Variants in TEDC2 observed in about 807,000 individuals in gnomAD.
The protein encoded by TEDC2 is tubulin epsilon and delta complex protein 2.
Under a neutral mutation model 48.1 loss-of-function variants are expected in TEDC2, and 49 were observed. The observed-to-expected ratio is 1.02, with a 90% CI of 0.81 to 1.29. The LOEUF (loss-of-function observed/expected upper bound fraction) is 1.29, where lower values mean the gene tolerates loss of function less well. Ranked by LOEUF, TEDC2 falls within the 50% of genes most tolerant of loss-of-function variation. The pLI is 0.00. For missense variants in TEDC2, 631 were observed against 571.4 expected (o/e 1.10, Z -1.06); for synonymous variants, 299 against 247.1 (o/e 1.21, Z -1.97).
Position 2,460,159 on chromosome 16 carries a change from C to T in TEDC2, c.15C>T (p.Gly5=). ...CCGCCGCCTTCATGCTGCCGGCGGG[C>T]TGCTCGCGCCGGTGAGGCCTGCGCG... MLPA[G]CSRRLVAELQ... is the part of the protein sequence containing the mutation. Residue 5 remains glycine (G), a synonymous_variant, in exon 1 of 10, where the codon GGC becomes GGT. Transcript: ENST00000361837. The T allele has an allele frequency of 7.4e-7, 1 of 1,342,938 alleles. No homozygotes were observed. The allele number at this position is 1,342,938 out of a possible 1,614,324, so 83.2% of individuals were successfully genotyped here. A position where few individuals can be genotyped will look rare whatever the true frequency, so the allele number is the denominator to read the frequency against.
Position 2,460,628 on chromosome 16 carries a change from C to G in TEDC2, c.131C>G (p.Pro44Arg). The G allele has an allele frequency of 6.2e-7, 1 of 1,612,960 alleles. No individual in the cohort carries two copies. ...GGCTGCCCGTGTCTTTGCAGGGAAC[C>G]AACTGGGACCCGGGCTTTGAAGCCA... is the stretch of plus-strand genomic sequence containing the variant. ...VCRRLLHAWE[P>R]TGTRALKPPP... is the part of the protein sequence containing the mutation. The change falls in exon 3 of 10, where the codon CCA becomes CGA. Residue 44 changes from proline to arginine, a missense_variant. By Grantham distance (103) the Pro-to-Arg change is moderately radical (BLOSUM62 -2). Transcript: ENST00000361837.
rs776899205 is a variant in TEDC2 at position 2,464,229 on chromosome 16, G to C, written c.1155G>C (p.Lys385Asn). Residue 385 changes from lysine (K) to asparagine (N), a missense_variant and splice_region_variant, in exon 9 of 10, where the codon AAG becomes AAC. Physicochemically the swap from Lys to Asn is moderately conservative, Grantham distance 94. Transcript: ENST00000361837. The part of the protein sequence containing the change: ...AVLDQQIHLE[K>N]VLMAELLPLV... ...TGGACCAGCAGATCCACTTGGAAAA[G>C]GTGCTTCTGGAAGAGGAGGTGGGGG... 6.2e-7 allele frequency: 1 copy of C among 1,611,116 alleles called. No individual in the cohort carries two copies. Among genetic ancestry groups the C allele is most frequent in the Non-Finnish European group, 8.5e-7 (1 of 1,179,200 alleles).
At chr16:2,461,931 T>A in intron 5 of TEDC2, 131 bp downstream of exon 5, 1 of 1,290,486 alleles carries the variant, frequency 7.7e-7, no homozygotes, top group Non-Finnish European at 1.1e-6. Context: ...CTGTCGATGT[T>A]AAAAATCTGC....
Position 2,464,618 on chromosome 16 carries a change from G to C in TEDC2, c.1252G>C (p.Glu418Gln). ...CCGGGCTGTGCACAGCCTGCTCTGC[G>C]AGGGAGGAGCACGTGTCCTTACCAT... is the stretch of plus-strand genomic sequence containing the variant. Reference protein sequence around the residue: ...LCRAVHSLLCEGGARVLTILR... With the variant: ...LCRAVHSLLCQGGARVLTILR... The change falls in exon 10 of 10, where the codon GAG (glutamate) becomes CAG (glutamine). Residue 418 changes from glutamate to glutamine, a missense_variant. Glu to Gln is a conservative substitution (Grantham distance 29, BLOSUM62 2). Transcript: ENST00000361837. The C allele has an allele frequency of 2.5e-6, 4 of 1,612,570 alleles. No individual in the cohort carries two copies. Among genetic ancestry groups the C allele is most frequent in the South Asian group, 1.1e-5 (1 of 91,088 alleles).
intron 8 of TEDC2, 90 bp from the exon 9 acceptor site, chr16:2,463,949 G>A: frequency 7.3e-7 from 1 of 1,365,288 alleles, no homozygotes; most frequent in Non-Finnish European, 1.0e-6. Flanking sequence ...CAGGGCAGGT[G>A]GTGCAGATGC....
At position 2,460,128 on chromosome 16, in the gene TEDC2, G is replaced by A; in HGVS notation, c.-17G>A. On this transcript the variant is annotated 5_prime_UTR_variant, in exon 1 of 10. Transcript: ENST00000361837. ...CTCTTCAGAGGCGGCAAATTGCAAGGAGACGCCGCCGCCTTCATGCTGCCG... is the reference window on the plus strand; with the variant it reads ...CTCTTCAGAGGCGGCAAATTGCAAGAAGACGCCGCCGCCTTCATGCTGCCG... 1 of 1,348,198 alleles carries A rather than the reference G, an allele frequency of 7.4e-7. No homozygotes were observed. The highest frequency in any genetic ancestry group is 3.1e-5 in the East Asian group (1 of 32,392). 83.5% of individuals were successfully genotyped at this position (1,348,198 alleles called of 1,614,324 possible). A position where few individuals can be genotyped will look rare whatever the true frequency, so the allele number is the denominator to read the frequency against.
rs148083585 is a variant in TEDC2 at position 2,460,958 on chromosome 16, C to T, written c.339C>T (p.Thr113=). The T allele has an allele frequency of 4.3e-5, 69 of 1,613,452 alleles. No individual in the cohort carries two copies. In the African/African-American group the frequency reaches 7.6e-4, roughly 18 times the overall value. The change falls in exon 4 of 10, where the codon ACC becomes ACT. Residue 113 remains threonine (T), a synonymous_variant. Coordinates refer to ENST00000361837, the MANE Select transcript of TEDC2 (RefSeq NM_025108.3). The part of the protein sequence containing the change: ...APSLKSRSIV[T]SSGTTASAPP... ...GCCTGAAATCTAGGTCCATTGTCAC[C>T]TCTTCTGGCACGACAGCCTCCGCCC...
chr16:2,464,382 G>A (rs1262398327), intron 9 of TEDC2, 140 bp from the exon 10 acceptor site: 10 of 1,326,464 alleles, frequency 7.5e-6, no homozygotes, highest in East Asian at 5.0e-5. Flanking sequence ...TGGGTCAGAC[G>A]GGGCTGGGAC....
chr16:2,462,598 G>A (rs760304198), intron 7 of TEDC2, 33 bp from the exon 8 acceptor site: 342 of 1,538,282 alleles, frequency 2.2e-4, no homozygotes, highest in Non-Finnish European at 2.9e-4. Context: ...AGACTGCCAC[G>A]GGCCCCACCT....
rs1289557186 is a variant in TEDC2, at chr16:2,460,823, A to G, written c.204A>G (p.Thr68=). The G allele has an allele frequency of 6.2e-7, 1 of 1,612,194 alleles. No individual in the cohort carries two copies. The highest frequency in any genetic ancestry group is 2.2e-5 in the East Asian group (1 of 44,874). ...TNGEDPLPAC[T]PSPQDLKELE... The stretch of plus-strand genomic sequence containing the variant: ...AATTCTTGGCTTTCACAGCATGCAC[A>G]CCCAGTCCACAAGACCTCAAAGAGT... The change falls in exon 4 of 10, where the codon ACA becomes ACG. Residue 68 remains threonine (T), a synonymous_variant. Coordinates refer to ENST00000361837, the MANE Select transcript of TEDC2 (RefSeq NM_025108.3).
At position 2,464,512 on chromosome 16, in the gene TEDC2, C is replaced by A; in HGVS notation, c.1156-10C>A. ...CCTGAGACCTTGGCCCTGCCCTGCC[C>A]TGCCCCCAGGTCCTGATGGCTGAAC... On this transcript the variant is annotated splice_polypyrimidine_tract_variant and intron_variant, in intron 9 of 9. Coordinates refer to ENST00000361837, the MANE Select transcript of TEDC2 (RefSeq NM_025108.3). 1 of 1,555,768 alleles carries A rather than the reference C, an allele frequency of 6.4e-7. No homozygotes were observed.
At position 2,462,278 on chromosome 16, in the gene TEDC2, A is replaced by G. The variant is rs9926725; in HGVS notation, c.750+39A>G. On this transcript the variant is annotated intron_variant, in intron 6 of 9. Transcript: ENST00000361837. The stretch of plus-strand genomic sequence containing the variant: ...GCTTGTGGGAGCCCTGGGGGCCTCT[A>G]GCTCTGAACCTGGCAGGTTTGCAGA... 22,609 of 1,609,606 alleles carry G rather than the reference A, an allele frequency of 0.014. 2,506 individuals are homozygous for G. The African/African-American group carries it at 0.25, about 18-fold the overall frequency.
intron 9 of TEDC2, 63 bp from the exon 10 acceptor site, chr16:2,464,459 T>G (rs2065487534): frequency 6.8e-7 from 1 of 1,480,458 alleles, no homozygotes; most frequent in Admixed American, 2.1e-5. Flanking sequence ...TCGAAGCCTG[T>G]CCCAGGATTG....
chr16:2,462,978 C>T (rs897053438), intron 8 of TEDC2, among the ~76,000 whole-genome samples: 1 of 152,232 alleles, frequency 6.6e-6, no homozygotes, highest in African/African-American at 2.4e-5. Context: ...TCCCCGCACA[C>T]AGAACCTCAT....
In TEDC2 at chr16:2,464,623, A is replaced by T; in HGVS notation, c.1257A>T (p.Gly419=). Residue 419 remains glycine (G), a synonymous_variant, in exon 10 of 10, where the codon GGA becomes GGT. Coordinates refer to ENST00000361837, the MANE Select transcript of TEDC2 (RefSeq NM_025108.3). ...CTGTGCACAGCCTGCTCTGCGAGGG[A>T]GGAGCACGTGTCCTTACCATCCTGC... is the stretch of plus-strand genomic sequence containing the variant. The part of the protein sequence containing the change: ...CRAVHSLLCE[G]GARVLTILRD... 1 of 1,612,694 alleles carries T rather than the reference A, an allele frequency of 6.2e-7. No homozygotes were observed. Among genetic ancestry groups the T allele is most frequent in the Non-Finnish European group, 8.5e-7 (1 of 1,179,952 alleles).
Position 2,464,825 on chromosome 16 carries a change from C to CT in TEDC2, c.*158dup. On this transcript the variant is annotated 3_prime_UTR_variant, in exon 10 of 10. Transcript: ENST00000361837. ...GCTCTTCTCAGGACAACTAAGCCTG[C>CT]TGGTCAGGGCTGGCTTTCAGCCTTC... 1 of 1,037,446 alleles carries CT rather than the reference C, an allele frequency of 9.6e-7. No individual in the cohort carries two copies. The highest frequency in any genetic ancestry group is 1.4e-6 in the Non-Finnish European group (1 of 725,172). The allele number at this position is 1,037,446 out of a possible 1,614,324, so 64.3% of individuals were successfully genotyped here.
chr16:2,461,931 T>TA (rs1004313609), intron 5 of TEDC2, 131 bp downstream of exon 5: 1 of 1,290,368 alleles, frequency 7.7e-7, no homozygotes, highest in African/African-American at 1.5e-5. Flanking sequence ...CTGTCGATGT[T>TA]AAAAATCTGC....
chr16:2,464,209 C>T lies in TEDC2; in HGVS notation c.1135C>T (p.Gln379Ter). 1 of 1,612,008 alleles carries T rather than the reference C, an allele frequency of 6.2e-7. No homozygotes were observed. The highest frequency in any genetic ancestry group is 1.1e-5 in the South Asian group (1 of 90,908). The change falls in exon 9 of 10, where the codon CAG becomes TAG. Residue 379 changes from glutamine (Q) to a stop codon, truncating the protein, a stop_gained. Transcript: ENST00000361837. LOFTEE classifies it low-confidence loss of function (END_TRUNC). The part of the protein sequence containing the change: ...ALKLRVAVLD[Q>*]QIHLEKVLMA... ...CAAGCTGCGAGTGGCTGTGCTGGAC[C>T]AGCAGATCCACTTGGAAAAGGTGCT...
chr16:2,462,106 G>C lies in TEDC2; in HGVS notation c.660-43G>C, dbSNP rs776620222. The C allele has an allele frequency of 4.4e-6, 7 of 1,589,674 alleles. No homozygotes were observed. The East Asian group carries it at 1.6e-4, about 36-fold the overall frequency. ...CCAGCTTACTGGCTGGAATAACCGT[G>C]TCCCTCTGTGGTTCCTCTGTGCACC... is the stretch of plus-strand genomic sequence containing the variant. On this transcript the variant is annotated intron_variant, in intron 5 of 9. Transcript: ENST00000361837.
Sources: gnomAD v4.1 joint callset for allele counts (sites outside exome capture counted in the v4.1 genomes callset) on GRCh38, gnomAD v4.1.1 for gene constraint, MANE v1.5 for transcripts, NCBI Gene and HGNC (gene_info 2026-07-23, HGNC 2026-07-21) for gene names.